The following ANKFN1 variants were observed in gnomAD, a reference collection of about 807,000 sequenced individuals.
ANKFN1 encodes ankyrin repeat and fibronectin type III domain containing 1.
A neutral mutation model predicts 108.7 loss-of-function variants in ANKFN1; 74 were observed. The ratio of observed to expected loss-of-function variants is 0.68; its 90% CI spans 0.56 to 0.83. ANKFN1 has a LOEUF of 0.83. Ranked by LOEUF, ANKFN1 falls within the 40% of genes least tolerant of loss-of-function variation. The pLI is 0.00. For synonymous variants in ANKFN1, 547 were observed against 516.2 expected, an observed-to-expected ratio of 1.06 and a Z score of -0.81; for missense variants, 1,505 against 1,382.3, an observed-to-expected ratio of 1.09 and a Z score of -1.41.
At chr17:56,431,170 A>G (rs945720981) in intron 8 of ANKFN1, among the ~76,000 whole-genome samples, 6 of 152,208 alleles carry the variant, frequency 3.9e-5, no homozygotes, top group African/African-American at 1.2e-4. Context: ...GGGAAGGATC[A>G]AGAACTTCCA....
intron 6 of ANKFN1, among the ~76,000 whole-genome samples, chr17:56,370,103 A>G (rs2046769986): frequency 6.6e-6 from 1 of 152,042 alleles, no homozygotes. Context: ...TACTTCACCC[A>G]CCGTCACCAC....
intron 14 of ANKFN1, among the ~76,000 whole-genome samples, chr17:56,461,176 T>C (rs2049890342): frequency 1.3e-5 from 2 of 152,340 alleles, no homozygotes; most frequent in Admixed American, 6.5e-5. Context: ...CCAAACAGTC[T>C]AGTATTTGCT....
At chr17:56,140,976 C>G (rs1181259166) in intron 4 of ANKFN1, among the ~76,000 whole-genome samples, 2 of 152,116 alleles carry the variant, frequency 1.3e-5, no homozygotes, top group Non-Finnish European at 2.9e-5. Flanking sequence ...CTCCACAGTC[C>G]CTACTATCAG....
At chr17:56,236,559 G>A (rs146369762) in intron 3 of ANKFN1, among the ~76,000 whole-genome samples, 3 of 152,088 alleles carry the variant, frequency 2.0e-5, no homozygotes, top group Admixed American at 6.5e-5. Context: ...AAACTTTGCC[G>A]AAGTTGTTTA....
chr17:56,149,458 CAG>C (rs200856389), upstream of ANKFN1, among the ~76,000 whole-genome samples: 3,710 of 152,210 alleles, frequency 0.024, 136 homozygotes, highest in African/African-American at 0.084. Context: ...TCAGGAGGTA[CAG>C]TCACAGTATC....
chr17:56,512,175 C>T lies in ANKFN1; in HGVS notation c.*906C>T, dbSNP rs2051795501. Among the ~76,000 whole-genome samples the T allele has an allele frequency of 6.6e-6, 1 of 152,174 alleles. No individual in the cohort carries two copies. On this transcript the variant is annotated 3_prime_UTR_variant, in exon 21 of 21. Transcript: ENST00000682825. ...GTTAAGCAAAGTAAGTCCATGGGGG[C>T]TGTGTCTCTGAAAATCATAGTGGAT...
chr17:56,335,745 A>G (rs1251801612), intron 4 of ANKFN1, among the ~76,000 whole-genome samples: 6 of 152,206 alleles, frequency 3.9e-5, no homozygotes, highest in Admixed American at 6.5e-5. Flanking sequence ...AGAACTTCCA[A>G]CACTATGTTG....
At chr17:56,352,884 C>G (rs1391898734) in intron 5 of ANKFN1, among the ~76,000 whole-genome samples, 4 of 152,014 alleles carry the variant, frequency 2.6e-5, no homozygotes, top group Non-Finnish European at 5.9e-5. Context: ...TGGGGGAGAC[C>G]AAGACTAGCA....
chr17:56,323,483 A>G (rs1327813259), intron 3 of ANKFN1: 1 of 152,688 alleles, frequency 6.5e-6, no homozygotes, highest in Non-Finnish European at 1.5e-5. Flanking sequence ...AACTCCAGGA[A>G]ACAGCCAGAG....
At chr17:56,442,344 G>C (rs2049133747) in intron 9 of ANKFN1, among the ~76,000 whole-genome samples, 1 of 152,142 alleles carries the variant, frequency 6.6e-6, no homozygotes, top group South Asian at 2.1e-4. Flanking sequence ...GACACAAAAA[G>C]AGCAAGGCAG....
At chr17:56,106,856 G>A (rs1206028290) in intron 4 of ANKFN1, among the ~76,000 whole-genome samples, 3 of 152,108 alleles carry the variant, frequency 2.0e-5, no homozygotes, top group Non-Finnish European at 2.9e-5. Flanking sequence ...AACAATGATT[G>A]TTATTGGGAG....
intron 1 of ANKFN1, among the ~76,000 whole-genome samples, chr17:56,171,107 G>T (rs1910657268): frequency 6.6e-6 from 1 of 151,938 alleles, no homozygotes; most frequent in South Asian, 2.1e-4. Flanking sequence ...AAGGAAGCAG[G>T]GACCGGCACT....
chr17:56,134,759 A>G (rs1907497608), intron 4 of ANKFN1, among the ~76,000 whole-genome samples: 1 of 152,198 alleles, frequency 6.6e-6, no homozygotes, highest in South Asian at 2.1e-4. Context: ...AGCTGAAAAG[A>G]TAGGTTCTAC....
chr17:56,231,806 G>A (rs1452028042), intron 3 of ANKFN1, among the ~76,000 whole-genome samples: 1 of 152,102 alleles, frequency 6.6e-6, no homozygotes, highest in Non-Finnish European at 1.5e-5. Flanking sequence ...TGTGTGTGTT[G>A]TAAACATTTA....
chr17:56,242,052 TC>T lies in ANKFN1; in HGVS notation c.53+14096del, dbSNP rs1480333415. ...ATTTCTGGAATTTTTCACTTAATAC[TC>T]TTGGTATACTGTTTGACCGCTGTTA... On this transcript the variant is annotated intron_variant, in intron 3 of 20. Coordinates refer to ENST00000682825, the MANE Select transcript of ANKFN1 (RefSeq NM_001370326.1). Among the ~76,000 whole-genome samples, 4 of 150,476 alleles carry T rather than the reference TC, an allele frequency of 2.7e-5. No homozygotes were observed. The Admixed American group carries it at 2.7e-4, about 10-fold the overall frequency.
At chr17:56,476,225 C>T (rs760583609) in intron 15 of ANKFN1, among the ~76,000 whole-genome samples, 8 of 152,116 alleles carry the variant, frequency 5.3e-5, no homozygotes, top group Non-Finnish European at 2.9e-5. Flanking sequence ...TTACCTGACT[C>T]GTCACTCCTA....
upstream of ANKFN1, among the ~76,000 whole-genome samples, chr17:56,150,687 G>A (rs565771114): frequency 1.3e-5 from 2 of 152,056 alleles, no homozygotes; most frequent in South Asian, 2.1e-4. Context: ...GATGAATGCC[G>A]AGCACCAAAA....
intron 5 of ANKFN1, among the ~76,000 whole-genome samples, 197 bp downstream of exon 5, chr17:56,351,164 C>G (rs1037593832): frequency 1.3e-5 from 2 of 151,916 alleles, no homozygotes; most frequent in Non-Finnish European, 2.9e-5. Context: ...TGAGCTGTTT[C>G]TCTTTCTTTT....
intron 20 of ANKFN1, among the ~76,000 whole-genome samples, chr17:56,509,655 A>T (rs2051680573): frequency 6.6e-6 from 1 of 152,196 alleles, no homozygotes; most frequent in Non-Finnish European, 1.5e-5. Flanking sequence ...TGGATAATGG[A>T]TACTGGGTAA....
Sources: gnomAD v4.1 joint callset for allele counts (sites outside exome capture counted in the v4.1 genomes callset) on GRCh38, gnomAD v4.1.1 for gene constraint, MANE v1.5 for transcripts, NCBI Gene and HGNC (gene_info 2026-07-23, HGNC 2026-07-21) for gene names.